MIPOL1: variants seen among roughly 807,000 people sequenced by gnomAD.
The protein encoded by MIPOL1 is mirror-image polydactyly 1.
Under a neutral mutation model 60.9 loss-of-function variants are expected in MIPOL1, and 57 were observed. The ratio of observed to expected loss-of-function variants is 0.94; its 90% CI spans 0.76 to 1.17. The LOEUF is 1.17. Among genes scored for constraint, MIPOL1 ranks in the 50% most tolerant of loss-of-function variants. The probability of loss-of-function intolerance (pLI) is 0.00; values close to 1 mark genes in which losing one functional copy is unlikely to be tolerated. For missense variants in MIPOL1, 551 were observed against 511.6 expected, an observed-to-expected ratio of 1.08 and a Z score of -0.74; for synonymous variants, 179 against 168.8, an observed-to-expected ratio of 1.06 and a Z score of -0.47.
At chr14:37,223,176 G>C (rs1233231939) in intron 1 of MIPOL1, among the ~76,000 whole-genome samples, 1 of 151,928 alleles carries the variant, frequency 6.6e-6, no homozygotes, top group African/African-American at 2.4e-5. Flanking sequence ...GGGATTACAA[G>C]CATGCGCCAC....
At chr14:37,297,705 A>G (rs1250936742) in intron 7 of MIPOL1, among the ~76,000 whole-genome samples, 1 of 152,140 alleles carries the variant, frequency 6.6e-6, no homozygotes, top group Non-Finnish European at 1.5e-5. Context: ...CCCATTCACA[A>G]TTGCTTCAAA....
At chr14:37,448,938 T>G (rs1187776529) in intron 11 of MIPOL1, among the ~76,000 whole-genome samples, 1 of 152,206 alleles carries the variant, frequency 6.6e-6, no homozygotes, top group Non-Finnish European at 1.5e-5. Context: ...TTTTATGTCT[T>G]CAAGTTTAAG....
chr14:37,374,416 T>A (rs1047885217), intron 10 of MIPOL1, among the ~76,000 whole-genome samples: 1 of 152,198 alleles, frequency 6.6e-6, no homozygotes, highest in Non-Finnish European at 1.5e-5. Context: ...ATTTTGACTT[T>A]TGTTGCCATT....
chr14:37,490,023 T>A (rs905920964), intron 11 of MIPOL1, among the ~76,000 whole-genome samples: 16 of 152,128 alleles, frequency 1.1e-4, no homozygotes, highest in African/African-American at 3.9e-4. Flanking sequence ...CAGGCAGGGA[T>A]GTTTAAGTCT....
At chr14:37,459,502 A>G (rs915297045) in intron 11 of MIPOL1, among the ~76,000 whole-genome samples, 16 of 152,184 alleles carry the variant, frequency 1.1e-4, no homozygotes, top group South Asian at 4.1e-4. Context: ...TGTAATGAGT[A>G]ATAAAATTGA....
intron 12 of MIPOL1, among the ~76,000 whole-genome samples, chr14:37,508,296 C>A (rs1391423447): frequency 6.6e-6 from 1 of 152,152 alleles, no homozygotes; most frequent in Non-Finnish European, 1.5e-5. Flanking sequence ...TTTCCCTTCA[C>A]AATCAAATTT....
At chr14:37,422,777 C>A in intron 10 of MIPOL1, 78 bp from the exon 11 acceptor site, 1 of 865,710 alleles carries the variant, frequency 1.2e-6, no homozygotes, top group Non-Finnish European at 1.8e-6. Flanking sequence ...TAATTTAAGA[C>A]TACTGTTCTT....
chr14:37,512,019 CAGG>C (rs1414288309), intron 12 of MIPOL1, among the ~76,000 whole-genome samples: 5 of 152,154 alleles, frequency 3.3e-5, no homozygotes, highest in Non-Finnish European at 7.4e-5. Context: ...TTAAAATTTA[CAGG>C]AGTTCTGCTC....
intron 11 of MIPOL1, among the ~76,000 whole-genome samples, chr14:37,439,184 A>C (rs1270485063): frequency 6.6e-6 from 1 of 152,196 alleles, no homozygotes; most frequent in Non-Finnish European, 1.5e-5. Flanking sequence ...ATAATTGGAC[A>C]CTTCCATGGC....
At chr14:37,229,525 T>C (rs1402223179) in intron 1 of MIPOL1, among the ~76,000 whole-genome samples, 1 of 152,162 alleles carries the variant, frequency 6.6e-6, no homozygotes, top group Non-Finnish European at 1.5e-5. Flanking sequence ...ATTGGTTATA[T>C]GAATTAACAT....
At chr14:37,294,785 C>T (rs550440213) in intron 7 of MIPOL1, among the ~76,000 whole-genome samples, 12 of 151,934 alleles carry the variant, frequency 7.9e-5, no homozygotes, top group South Asian at 2.1e-4. Context: ...GCAAAGCCTC[C>T]GAGAAATATG....
chr14:37,223,592 T>G (rs1331283314), intron 1 of MIPOL1, among the ~76,000 whole-genome samples: 1 of 151,914 alleles, frequency 6.6e-6, no homozygotes, highest in Non-Finnish European at 1.5e-5. Context: ...AACCTCTGTC[T>G]CCTGGGTTCA....
chr14:37,292,732 C>T (rs144816715), intron 7 of MIPOL1, among the ~76,000 whole-genome samples: 2,871 of 151,754 alleles, frequency 0.019, 79 homozygotes, highest in African/African-American at 0.064. Context: ...GTGCCTGCCT[C>T]GGCCTCCCAA....
intron 12 of MIPOL1, among the ~76,000 whole-genome samples, chr14:37,537,258 G>A (rs979991600): frequency 1.3e-5 from 2 of 152,108 alleles, no homozygotes; most frequent in Non-Finnish European, 2.9e-5. Context: ...TTGATTCTAA[G>A]TATGATATCC....
At chr14:37,242,276 T>A (rs778947925) in intron 1 of MIPOL1, among the ~76,000 whole-genome samples, 1 of 152,066 alleles carries the variant, frequency 6.6e-6, no homozygotes, top group Non-Finnish European at 1.5e-5. Flanking sequence ...TCATAGGCCC[T>A]TTCTTCAGAC....
At chr14:37,417,072 A>G (rs1454222156) in intron 10 of MIPOL1, among the ~76,000 whole-genome samples, 2 of 152,186 alleles carry the variant, frequency 1.3e-5, no homozygotes, top group Non-Finnish European at 2.9e-5. Context: ...GTTGAGGCAC[A>G]TAAAGATTTG....
intron 10 of MIPOL1, among the ~76,000 whole-genome samples, chr14:37,412,328 G>A (rs2093693155): frequency 1.3e-5 from 2 of 152,062 alleles, no homozygotes; most frequent in South Asian, 4.2e-4. Flanking sequence ...ACGTATGTAT[G>A]TAAATAACTG....
chr14:37,443,457 CAAAAAAAAAAAAA>C (rs3062712), intron 11 of MIPOL1, among the ~76,000 whole-genome samples: 1 of 45,460 alleles, frequency 2.2e-5, no homozygotes, highest in African/African-American at 8.1e-5. Context: ...ACTATCTCAC[CAAAAAAAAAAAAA>C]AAAAAAAAAA....
At chr14:37,516,352 A>G (rs2095369088) in intron 12 of MIPOL1, among the ~76,000 whole-genome samples, 1 of 152,198 alleles carries the variant, frequency 6.6e-6, no homozygotes, top group African/African-American at 2.4e-5. Flanking sequence ...AGTACAGTTT[A>G]CATTATGAAA....
Sources: allele counts gnomAD v4.1 joint callset (sites outside exome capture counted in the v4.1 genomes callset), GRCh38; gene constraint gnomAD v4.1.1; transcripts MANE v1.5; gene names NCBI Gene and HGNC (gene_info 2026-07-23, HGNC 2026-07-21).